Variants in KIF26B observed in about 807,000 individuals in gnomAD.
The protein encoded by KIF26B is kinesin family member 26B.
A neutral mutation model predicts 151.2 loss-of-function variants in KIF26B; 63 were observed. The ratio of observed to expected loss-of-function variants is 0.42; its 90% CI spans 0.34 to 0.51. The LOEUF (loss-of-function observed/expected upper bound fraction) is 0.51. KIF26B is among the 20% of genes least tolerant of loss of function. The probability of loss-of-function intolerance (pLI) is 0.07; values close to 1 mark genes in which losing one functional copy is unlikely to be tolerated. For missense variants in KIF26B, 2,813 were observed against 2,913.6 expected (o/e 0.97, Z 0.79); for synonymous variants, 1,357 against 1,262.1 (o/e 1.08, Z -1.59).
chr1:245,698,214 G>A lies in KIF26B; in HGVS notation c.5933G>A (p.Ser1978Asn). 4.3e-6 allele frequency: 7 copies of A among 1,614,036 alleles called. No individual in the cohort carries two copies. Among genetic ancestry groups the A allele is most frequent in the Non-Finnish European group, 5.9e-6 (7 of 1,179,900 alleles). The change falls in exon 13 of 15, where the codon AGC becomes AAC. Residue 1978 changes from serine to asparagine, a missense_variant. Physicochemically the swap from Ser to Asn is conservative, Grantham distance 46. Coordinates refer to ENST00000407071, the MANE Select transcript of KIF26B (RefSeq NM_018012.4). This position sits in a 1 kb window ranked among gnomAD's most constrained non-coding sequence, Gnocchi z 4.0. The part of the protein sequence containing the change: ...GVRWVDGPLR[S>N]SPRGLGEPFE... ...CGCTGGGTGGATGGCCCCTTGCGGA[G>A]CAGCCCGAGGGGCCTTGGGGAACCC...
Position 245,688,764 on chromosome 1 carries a change from C to T in KIF26B, c.5781C>T (p.Gly1927=), listed in dbSNP as rs751207958. 1.5e-5 allele frequency: 24 copies of T among 1,598,562 alleles called. No homozygotes were observed. In the Admixed American group the frequency reaches 1.5e-4, roughly 10 times the overall value. ...GCGAGAACAGCAGCTCCGTGGGCGG[C>T]AGGTGCCGGAGCCTCAAGACCCCGA... is the stretch of plus-strand genomic sequence containing the variant. ...STSENSSSVG[G]RCRSLKTPKK... is the part of the protein sequence containing the mutation. Residue 1927 remains glycine, a synonymous_variant, in exon 12 of 15, where the codon GGC becomes GGT. Transcript: ENST00000407071.
At chr1:245,413,937 C>T (rs1674354559) in intron 3 of KIF26B, among the ~76,000 whole-genome samples, 1 of 152,200 alleles carries the variant, frequency 6.6e-6, no homozygotes, top group African/African-American at 2.4e-5. Context: ...AGGAGCTCAA[C>T]CTCTCTGACC....
chr1:245,396,551 G>A (rs1029491348), intron 3 of KIF26B, among the ~76,000 whole-genome samples: 1 of 151,794 alleles, frequency 6.6e-6, no homozygotes, highest in Non-Finnish European at 1.5e-5. Context: ...CAGGAGAATC[G>A]CTTGAACCCG....
At chr1:245,444,034 GAGA>G (rs1659187726) in intron 4 of KIF26B, among the ~76,000 whole-genome samples, 1 of 121,918 alleles carries the variant, frequency 8.2e-6, no homozygotes, top group Admixed American at 8.0e-5. Flanking sequence ...TCATCTAGAG[GAGA>G]GGTCATCTCC....
At chr1:245,603,057 A>T (rs947105) in intron 6 of KIF26B, among the ~76,000 whole-genome samples, 1 of 151,442 alleles carries the variant, frequency 6.6e-6, no homozygotes, top group Non-Finnish European at 1.5e-5. Context: ...AGAAGCAGGA[A>T]GATAACAGAA....
intron 2 of KIF26B, among the ~76,000 whole-genome samples, chr1:245,229,177 G>A (rs1002964332): frequency 2.6e-5 from 4 of 151,934 alleles, no homozygotes; most frequent in Non-Finnish European, 4.4e-5. Flanking sequence ...TTACCATGTT[G>A]GCCAGGCTGG....
intron 2 of KIF26B, among the ~76,000 whole-genome samples, chr1:245,215,684 C>T (rs1215376769): frequency 6.6e-6 from 1 of 152,150 alleles, no homozygotes; most frequent in African/African-American, 2.4e-5. Flanking sequence ...AGGCTTACAG[C>T]CCCTTTTAGG....
intron 4 of KIF26B, among the ~76,000 whole-genome samples, chr1:245,453,493 T>C (rs1572069376): frequency 6.6e-6 from 1 of 152,320 alleles, no homozygotes; most frequent in African/African-American, 2.4e-5. Flanking sequence ...CTTTTCACCT[T>C]ACTATAGTCC....
intron 4 of KIF26B, among the ~76,000 whole-genome samples, chr1:245,459,127 G>A (rs1416075436): frequency 6.6e-6 from 1 of 152,206 alleles, no homozygotes; most frequent in Non-Finnish European, 1.5e-5. Context: ...AGGTGGAAGA[G>A]GAAGTCCCTT....
chr1:245,291,451 C>T lies in KIF26B; in HGVS notation c.466-75383C>T, dbSNP rs114811539. ...TTGCATTCTGAATCCCTGCCCTTCC[C>T]CATCTCCTATTCCCTGATCCCTCCA... On this transcript the variant is annotated intron_variant, in intron 2 of 14. Transcript: ENST00000407071. 9.0e-3 allele frequency among the ~76,000 whole-genome samples: 1,366 copies of T among 152,264 alleles called. 7 individuals carry two copies. Among genetic ancestry groups the T allele is most frequent in the Middle Eastern group, 0.044 (13 of 294 alleles).
chr1:245,350,225 A>G (rs1672536866), intron 2 of KIF26B, among the ~76,000 whole-genome samples: 1 of 152,116 alleles, frequency 6.6e-6, no homozygotes, highest in South Asian at 2.1e-4. Flanking sequence ...TAGCAGAGTC[A>G]TTCATCTGGT....
chr1:245,529,106 G>A (rs1004102555), intron 4 of KIF26B, among the ~76,000 whole-genome samples: 7 of 152,084 alleles, frequency 4.6e-5, no homozygotes, highest in Admixed American at 6.5e-5. Flanking sequence ...TAGTAAGGCC[G>A]CTCCATCGGA....
At chr1:245,647,145 G>A (rs2043956408) in intron 10 of KIF26B, among the ~76,000 whole-genome samples, 1 of 152,188 alleles carries the variant, frequency 6.6e-6, no homozygotes, top group Non-Finnish European at 1.5e-5. Context: ...TTTATTGTAG[G>A]CTGGGTGCGG....
At chr1:245,664,706 T>G (rs1041034537) in intron 10 of KIF26B, among the ~76,000 whole-genome samples, 5 of 152,208 alleles carry the variant, frequency 3.3e-5, no homozygotes, top group Non-Finnish European at 7.3e-5. Context: ...CTTTATATTG[T>G]TTATCTGGAC....
intron 2 of KIF26B, among the ~76,000 whole-genome samples, chr1:245,240,471 G>A (rs113339636): frequency 6.6e-5 from 10 of 152,234 alleles, no homozygotes; most frequent in Admixed American, 5.9e-4. Flanking sequence ...TTTTCGGTTC[G>A]TTTAGAGGAA....
intron 2 of KIF26B, among the ~76,000 whole-genome samples, chr1:245,365,511 A>G (rs897355054): frequency 3.6e-5 from 5 of 138,844 alleles, no homozygotes; most frequent in South Asian, 4.6e-4. Context: ...CTGCCTCACA[A>G]CTCCCCCCCA....
At chr1:245,165,730 G>T (rs1668605080) in intron 2 of KIF26B, among the ~76,000 whole-genome samples, 1 of 152,198 alleles carries the variant, frequency 6.6e-6, no homozygotes. Flanking sequence ...CAGTGTCATG[G>T]GAACTGAGGA....
chr1:245,248,754 A>G (rs1001292612), intron 2 of KIF26B, among the ~76,000 whole-genome samples: 15 of 152,170 alleles, frequency 9.9e-5, no homozygotes, highest in Non-Finnish European at 1.9e-4. Flanking sequence ...CTTCTTTTCC[A>G]TCTGAGATGT....
At chr1:245,477,464 A>G (rs1660065500) in intron 4 of KIF26B, among the ~76,000 whole-genome samples, 1 of 151,804 alleles carries the variant, frequency 6.6e-6, no homozygotes, top group African/African-American at 2.4e-5. Flanking sequence ...ACAGTAGGTT[A>G]GTCAATCCTG....
Sources: allele counts gnomAD v4.1 joint callset (sites outside exome capture counted in the v4.1 genomes callset), GRCh38; gene constraint gnomAD v4.1.1; non-coding constraint Gnocchi (gnomAD v3.1); transcripts MANE v1.5; gene names NCBI Gene and HGNC (gene_info 2026-07-23, HGNC 2026-07-21).